Variants in MSR1 observed in about 807,000 individuals in gnomAD.
MSR1 encodes the protein macrophage scavenger receptor 1, also known as macrophage scavenger receptor types I and II.
Under a neutral mutation model 47.2 loss-of-function variants are expected in MSR1, and 53 were observed. The ratio of observed to expected loss-of-function variants is 1.12; its 90% CI spans 0.90 to 1.41. The LOEUF is 1.41. MSR1 is among the 40% of genes most tolerant of loss of function. MSR1 has a pLI of 0.00. For synonymous variants in MSR1, 239 were observed against 185.6 expected, an observed-to-expected ratio of 1.29 and a Z score of -2.34; for missense variants, 786 against 546.9, an observed-to-expected ratio of 1.44 and a Z score of -4.36.
chr8:16,123,333 A>G (rs1175996850), intron 8 of MSR1, among the ~76,000 whole-genome samples: 1 of 152,156 alleles, frequency 6.6e-6, no homozygotes, highest in East Asian at 1.9e-4. Context: ...AGTTGGCTTC[A>G]CCTACTATTC....
intron 8 of MSR1, among the ~76,000 whole-genome samples, chr8:16,137,993 T>TA (rs1800432968): frequency 6.9e-6 from 1 of 145,788 alleles, no homozygotes; most frequent in Admixed American, 6.9e-5. Context: ...CTCTGTCTCT[T>TA]AAAAAAAGAT....
chr8:16,111,085 T>A (rs6982504), intron 9 of MSR1, among the ~76,000 whole-genome samples: 13,824 of 152,174 alleles, frequency 0.091, 833 homozygotes, highest in African/African-American at 0.16. Context: ...TTTCCTATTG[T>A]GTTTGTGATT....
intron 3 of MSR1, among the ~76,000 whole-genome samples, chr8:16,172,563 G>C (rs1031707732): frequency 2.6e-5 from 4 of 151,842 alleles, no homozygotes; most frequent in Admixed American, 1.3e-4. Context: ...CTACGGACAG[G>C]GTTATATTTG....
chr8:16,131,454 T>TGTTTTTTTTTTTTG (rs1563143913), intron 8 of MSR1, among the ~76,000 whole-genome samples: 29 of 148,230 alleles, frequency 2.0e-4, no homozygotes, highest in African/African-American at 7.2e-4. Context: ...TTTTTTTTTT[T>TGTTTTTTTTTTTTG]TTTTTTTTTT....
At position 16,164,143 on chromosome 8, in the gene MSR1, G is replaced by C. The variant is rs1801237853; in HGVS notation, c.739C>G (p.Leu247Val). 3.1e-6 allele frequency: 5 copies of C among 1,611,852 alleles called. No homozygotes were observed. The African/African-American group carries it at 5.3e-5, about 17-fold the overall frequency. The change falls in exon 5 of 10, where the codon CTG becomes GTG. Residue 247 changes from leucine (L) to valine (V), a missense_variant. By Grantham distance (32) the Leu-to-Val change is conservative. Coordinates refer to ENST00000262101, the MANE Select transcript of MSR1 (RefSeq NM_138715.3). ...EQEIKGEVKV[L>V]NNITNDLRLK... ...CTGAGATCATTAGTGATGTTATTCA[G>C]TACTTTCACTTCTCCTTTTATTTCC...
chr8:16,152,249 C>T (rs1169443180), intron 6 of MSR1, among the ~76,000 whole-genome samples: 1 of 152,036 alleles, frequency 6.6e-6, no homozygotes, highest in African/African-American at 2.4e-5. Context: ...ACTTTCAATA[C>T]TCAGGTGTAG....
At position 16,175,287 on chromosome 8, in the gene MSR1, G is replaced by C; in HGVS notation, c.117C>G (p.Ser39Arg). ...TALLPPNPKN[S>R]PSLQEKLKSF... ...ACTTCAGTTTCTCTTGAAGGGAAGG[G>C]CTGTTTTTAGGATCTAATAAAACAA... Residue 39 changes from serine (S) to arginine (R), a missense_variant, in exon 3 of 10, where the codon AGC becomes AGG. Physicochemically the swap from Ser to Arg is moderately radical, Grantham distance 110 (BLOSUM62 -1). Coordinates refer to ENST00000262101, the MANE Select transcript of MSR1 (RefSeq NM_138715.3). 6.2e-7 allele frequency: 1 copy of C among 1,613,864 alleles called. No homozygotes were observed. The highest frequency in any genetic ancestry group is 1.1e-5 in the South Asian group (1 of 91,082).
intron 2 of MSR1, among the ~76,000 whole-genome samples, chr8:16,176,283 G>T (rs1002916935): frequency 7.2e-5 from 11 of 152,154 alleles, no homozygotes; most frequent in African/African-American, 2.7e-4. Flanking sequence ...AAGGCGGGAG[G>T]ATGGCTTGAG....
intron 9 of MSR1, 137 bp from the exon 10 acceptor site, chr8:16,110,355 T>C (rs1289540613): frequency 2.1e-6 from 2 of 945,406 alleles, no homozygotes; most frequent in Non-Finnish European, 3.3e-6. Context: ...CTGTGCTCTC[T>C]AGTAGGAATC....
chr8:16,168,934 C>T (rs1229446035), intron 3 of MSR1, 64 bp from the exon 4 acceptor site: 3 of 1,458,464 alleles, frequency 2.1e-6, no homozygotes, highest in Non-Finnish European at 2.9e-6. Flanking sequence ...AGGATCCCAT[C>T]CCATATCATT....
At chr8:16,187,446 T>G (rs1802037300) in intron 1 of MSR1, among the ~76,000 whole-genome samples, 1 of 150,242 alleles carries the variant, frequency 6.7e-6, no homozygotes, top group Non-Finnish European at 1.5e-5. Context: ...ACATCCATTT[T>G]CAACCTACAA....
chr8:16,147,963 T>C (rs1184240944), intron 7 of MSR1, among the ~76,000 whole-genome samples: 1 of 152,148 alleles, frequency 6.6e-6, no homozygotes, highest in Non-Finnish European at 1.5e-5. Flanking sequence ...ATCCCAGACC[T>C]ACTGCATCAG....
chr8:16,109,675 G>A lies in MSR1; in HGVS notation c.*410C>T, dbSNP rs763887749. ...CAAAAGATATCTTCTGATCCCTTCC[G>A]TTATTCAGAAAGTAATTAAAATCAA... On this transcript the variant is annotated 3_prime_UTR_variant, in exon 10 of 10. Transcript: ENST00000262101. 3.1e-5 allele frequency: 6 copies of A among 193,470 alleles called. No homozygotes were observed. Among genetic ancestry groups the A allele is most frequent in the South Asian group, 1.9e-4 (2 of 10,578 alleles). 12.0% of individuals were successfully genotyped at this position (193,470 alleles called of 1,614,324 possible). A position where few individuals can be genotyped will look rare whatever the true frequency, so the allele number is the denominator to read the frequency against.
At chr8:16,147,870 A>G (rs979449856) in intron 7 of MSR1, among the ~76,000 whole-genome samples, 2 of 152,022 alleles carry the variant, frequency 1.3e-5, no homozygotes, top group Middle Eastern at 3.4e-3. Context: ...GTTTTTTTCC[A>G]CCTAAACATA....
intron 8 of MSR1, among the ~76,000 whole-genome samples, chr8:16,126,380 T>A (rs1233587044): frequency 6.6e-6 from 1 of 152,186 alleles, no homozygotes; most frequent in Non-Finnish European, 1.5e-5. Context: ...ATTTCCTTTT[T>A]GTATCATTTA....
intron 1 of MSR1, among the ~76,000 whole-genome samples, chr8:16,180,955 C>G (rs1801812478): frequency 6.6e-6 from 1 of 151,934 alleles, no homozygotes; most frequent in African/African-American, 2.4e-5. Flanking sequence ...TCTCCTTTCT[C>G]AGGTAGAGGC....
intron 9 of MSR1, among the ~76,000 whole-genome samples, chr8:16,117,797 C>G (rs191918810): frequency 9.9e-5 from 15 of 152,130 alleles, no homozygotes; most frequent in Admixed American, 9.8e-4. Context: ...TTGCAGGAAA[C>G]CAAGCTGAGA....
chr8:16,159,856 G>A (rs1458011402), intron 5 of MSR1, among the ~76,000 whole-genome samples: 1 of 151,870 alleles, frequency 6.6e-6, no homozygotes, highest in Non-Finnish European at 1.5e-5. Context: ...TGCAAGAGGT[G>A]GCATCTTAGA....
chr8:16,146,507 C>G (rs1355818077), intron 7 of MSR1, among the ~76,000 whole-genome samples: 1 of 152,104 alleles, frequency 6.6e-6, no homozygotes, highest in Admixed American at 6.6e-5. Flanking sequence ...CTCCGCATAC[C>G]CTAATCTGGT....
Sources: allele counts gnomAD v4.1 joint callset (sites outside exome capture counted in the v4.1 genomes callset), GRCh38; gene constraint gnomAD v4.1.1; transcripts MANE v1.5; gene names NCBI Gene and HGNC (gene_info 2026-07-23, HGNC 2026-07-21).